The following USP25 variants were observed in gnomAD, a reference collection of about 807,000 sequenced individuals.
USP25 encodes the protein ubiquitin carboxyl-terminal hydrolase 25.
Under a neutral mutation model 158.5 loss-of-function variants are expected in USP25, and 85 were observed. The ratio of observed to expected loss-of-function variants is 0.54; its 90% confidence interval spans 0.45 to 0.64. USP25 has a LOEUF of 0.64. Ranked by LOEUF, USP25 falls within the 30% of genes least tolerant of loss-of-function variation. USP25 has a pLI of 0.00. For synonymous variants in USP25, 464 were observed against 460.4 expected (o/e 1.01, Z -0.10); for missense variants, 1,242 against 1,327.3 (o/e 0.94, Z 1.00).
chr21:15,870,485 A>G (rs2039840495), intron 23 of USP25, among the ~76,000 whole-genome samples: 1 of 152,178 alleles, frequency 6.6e-6, no homozygotes, highest in African/African-American at 2.4e-5. Context: ...CAGGTTCTGT[A>G]AAAAGTGTAG....
chr21:15,841,497 C>CT (rs1009165321), intron 17 of USP25, among the ~76,000 whole-genome samples: 5 of 151,988 alleles, frequency 3.3e-5, no homozygotes, highest in East Asian at 1.9e-4. Flanking sequence ...TCATATTATT[C>CT]TTTTTTTTGA....
In USP25 at chr21:15,831,421, C is replaced by T. The variant is rs145101158; in HGVS notation, c.1785C>T (p.Ala595=). The T allele has an allele frequency of 2.9e-5, 47 of 1,613,808 alleles. No homozygotes were observed. The highest frequency in any genetic ancestry group is 2.4e-4 in the African/African-American group (18 of 74,964). The change falls in exon 16 of 26, where the codon GCC becomes GCT. Residue 595 remains alanine (A), a synonymous_variant. Coordinates refer to ENST00000400183, the MANE Select transcript of USP25 (RefSeq NM_001283041.3). The part of the protein sequence containing the change: ...SMIQVPYRLH[A]VLVHEGQANA... ...TTTAGGTTCCTTATCGATTACATGC[C>T]GTTTTAGTTCACGAAGGCCAAGCTA...
chr21:15,842,356 G>T (rs139163622), intron 17 of USP25, 42 bp from the exon 18 acceptor site: 8 of 1,595,414 alleles, frequency 5.0e-6, no homozygotes, highest in Non-Finnish European at 6.0e-6. Context: ...TATAGACTCT[G>T]TGGTTTATAT....
chr21:15,789,872 G>A (rs17275511), intron 4 of USP25, among the ~76,000 whole-genome samples: 13,802 of 151,940 alleles, frequency 0.091, 638 homozygotes, highest in East Asian at 0.092. Context: ...TCTATATAGG[G>A]CAGTCTTTTG....
intron 22 of USP25, among the ~76,000 whole-genome samples, chr21:15,869,139 T>C (rs1289063557): frequency 1.3e-5 from 2 of 151,940 alleles, no homozygotes; most frequent in African/African-American, 2.4e-5. Flanking sequence ...TTCAAGCTAC[T>C]TGGGAGACAG....
intron 1 of USP25, among the ~76,000 whole-genome samples, chr21:15,737,899 G>A (rs1425746822): frequency 1.3e-5 from 2 of 151,416 alleles, no homozygotes; most frequent in Non-Finnish European, 2.9e-5. Flanking sequence ...GTAAATATCC[G>A]AAATTTGAAA....
At chr21:15,744,888 G>A (rs1025406167) in intron 1 of USP25, 3 of 152,378 alleles carry the variant, frequency 2.0e-5, no homozygotes, top group Non-Finnish European at 4.4e-5. Flanking sequence ...GCACCCCGCC[G>A]GGTCTGCCGC....
At chr21:15,763,747 A>G (rs1344144374) in intron 2 of USP25, among the ~76,000 whole-genome samples, 1 of 152,198 alleles carries the variant, frequency 6.6e-6, no homozygotes, top group East Asian at 1.9e-4. Context: ...GAAATAATCT[A>G]TTAGATGATT....
At position 15,824,027 on chromosome 21, in the gene USP25, A is replaced by G; in HGVS notation, c.1081-12A>G. The G allele has an allele frequency of 6.2e-7, 1 of 1,608,340 alleles. No homozygotes were observed. On this transcript the variant is annotated splice_polypyrimidine_tract_variant and intron_variant, in intron 10 of 25. Transcript: ENST00000400183. ...GTATTAAAGTTTTTGTTATTGTTTTATTTCCTTTCAGCATTGGTTTACTGA... is the reference window on the plus strand; with the variant it reads ...GTATTAAAGTTTTTGTTATTGTTTTGTTTCCTTTCAGCATTGGTTTACTGA...
intron 1 of USP25, among the ~76,000 whole-genome samples, chr21:15,733,525 A>G (rs955306003): frequency 3.3e-5 from 5 of 152,024 alleles, no homozygotes; most frequent in Admixed American, 1.3e-4. Context: ...TGAAGCCAGG[A>G]GTTCAAAACC....
At chr21:15,807,446 C>T (rs551146510) in intron 7 of USP25, among the ~76,000 whole-genome samples, 11 of 152,132 alleles carry the variant, frequency 7.2e-5, no homozygotes, top group African/African-American at 1.9e-4. Flanking sequence ...TAAGGACAGT[C>T]GTAACAAATT....
At chr21:15,808,005 A>G (rs1035519129) in intron 7 of USP25, among the ~76,000 whole-genome samples, 2 of 152,334 alleles carry the variant, frequency 1.3e-5, no homozygotes, top group African/African-American at 4.8e-5. Flanking sequence ...GTTGGCCTAC[A>G]TGCTCTTTAA....
At chr21:15,859,033 C>A (rs2039291480) in intron 20 of USP25, among the ~76,000 whole-genome samples, 2 of 150,930 alleles carry the variant, frequency 1.3e-5, no homozygotes, top group South Asian at 4.2e-4. Flanking sequence ...GTTTGTTTAC[C>A]AAAAGTGGGT....
Position 15,847,720 on chromosome 21 carries a change from A to T in USP25, c.2395A>T (p.Ile799Phe). 1 of 1,550,192 alleles carries T rather than the reference A, an allele frequency of 6.5e-7. No homozygotes were observed. Among genetic ancestry groups the T allele is most frequent in the Non-Finnish European group, 8.7e-7 (1 of 1,146,686 alleles). ...LSNQRVVEVA[I>F]PHVGKFMIES... ...TAATCAGCGAGTTGTAGAGGTGGCG[A>T]TCCCTCATGTAGGGAAATTTATGAT... is the stretch of plus-strand genomic sequence containing the variant. Residue 799 changes from isoleucine to phenylalanine, a missense_variant, in exon 19 of 26, where the codon ATC becomes TTC. Transcript: ENST00000400183.
At chr21:15,755,473 A>G (rs1254018013) in intron 1 of USP25, among the ~76,000 whole-genome samples, 1 of 152,146 alleles carries the variant, frequency 6.6e-6, no homozygotes, top group East Asian at 1.9e-4. Context: ...TGAATCTTTA[A>G]TCTCCAATGT....
rs1450203302 is a variant in USP25, at chr21:15,791,595, A to G, written c.486A>G (p.Lys162=). The change falls in exon 5 of 26, where the codon AAA becomes AAG. Residue 162 remains lysine, a synonymous_variant. Coordinates refer to ENST00000400183, the MANE Select transcript of USP25 (RefSeq NM_001283041.3). ...WRDSRNPYDR[K]RQDKAPVGLK... ...ATTCTCGAAACCCTTATGATAGAAAAAGACAGGACAAAGCTCCCGTTGGGC... is the reference window on the plus strand; with the variant it reads ...ATTCTCGAAACCCTTATGATAGAAAGAGACAGGACAAAGCTCCCGTTGGGC... 1 of 1,611,848 alleles carries G rather than the reference A, an allele frequency of 6.2e-7. No individual in the cohort carries two copies. The highest frequency in any genetic ancestry group is 2.2e-5 in the East Asian group (1 of 44,788).
At chr21:15,744,321 T>C (rs2032336702) in intron 1 of USP25, 1 of 150,798 alleles carries the variant, frequency 6.6e-6, no homozygotes, top group Non-Finnish European at 1.5e-5. Flanking sequence ...GGTCTGCGTT[T>C]TTTTGTTGTT....
intron 9 of USP25, 59 bp downstream of exon 9, chr21:15,811,269 G>A (rs368674017): frequency 1.7e-5 from 25 of 1,432,960 alleles, no homozygotes; most frequent in African/African-American, 1.3e-4. Context: ...TCATTCATTC[G>A]TCTCGATAGT....
intron 14 of USP25, among the ~76,000 whole-genome samples, chr21:15,827,756 G>A (rs2037585264): frequency 7.9e-6 from 1 of 126,684 alleles, no homozygotes; most frequent in Non-Finnish European, 1.6e-5. Flanking sequence ...GTGCACTTGT[G>A]TGCGTGTGCG....
Sources: gnomAD v4.1 joint callset for allele counts (sites outside exome capture counted in the v4.1 genomes callset) on GRCh38, gnomAD v4.1.1 for gene constraint, MANE v1.5 for transcripts, NCBI Gene and HGNC (gene_info 2026-07-23, HGNC 2026-07-21) for gene names.